Variants in SYT16 observed in about 807,000 individuals in gnomAD.
The protein encoded by SYT16 is synaptotagmin-16.
A neutral mutation model predicts 61.4 loss-of-function variants in SYT16; 42 were observed. The ratio of observed to expected loss-of-function variants is 0.68; its 90% CI spans 0.53 to 0.89. The LOEUF is 0.89. Ranked by LOEUF, SYT16 falls within the 40% of genes least tolerant of loss-of-function variation. The pLI is 0.00. For missense variants in SYT16, 804 were observed against 807.3 expected (o/e 1.00, Z 0.05); for synonymous variants, 314 against 302.3 (o/e 1.04, Z -0.40).
chr14:61,991,311 C>CT (rs1295479184), intron 2 of SYT16, among the ~76,000 whole-genome samples: 11 of 141,522 alleles, frequency 7.8e-5, no homozygotes, highest in Admixed American at 2.9e-4. Flanking sequence ...GGGAACTGGA[C>CT]TTTTTTTCTG....
At chr14:61,872,131 A>G (rs888207981) in intron 1 of SYT16, among the ~76,000 whole-genome samples, 1 of 152,182 alleles carries the variant, frequency 6.6e-6, no homozygotes, top group African/African-American at 2.4e-5. Flanking sequence ...AAACAATTAT[A>G]AACATTTGCT....
chr14:61,825,433 C>A (rs1479616586), intron 1 of SYT16, among the ~76,000 whole-genome samples: 9 of 152,174 alleles, frequency 5.9e-5, no homozygotes, highest in Non-Finnish European at 1.2e-4. Context: ...GTAATCCCAG[C>A]ACTTTGGGAG....
chr14:62,100,511 T>C lies in SYT16; in HGVS notation c.1742T>C (p.Val581Ala). The C allele has an allele frequency of 6.2e-7, 1 of 1,613,802 alleles. No individual in the cohort carries two copies. Among genetic ancestry groups the C allele is most frequent in the Non-Finnish European group, 8.5e-7 (1 of 1,179,828 alleles). ...PVYKETFVFQ[V>A]ALFQLSDVTL... ...TATAAGGAGACCTTTGTTTTCCAGG[T>C]GGCCCTCTTTCAGCTGTCTGATGTC... Residue 581 changes from valine to alanine, a missense_variant, in exon 8 of 8, where the codon GTG becomes GCG. Transcript: ENST00000683842.
At chr14:61,980,241 A>G (rs1249914364) in intron 2 of SYT16, among the ~76,000 whole-genome samples, 10 of 152,208 alleles carry the variant, frequency 6.6e-5, no homozygotes, top group Non-Finnish European at 1.2e-4. Context: ...TAGAATATAC[A>G]TTTCTCTCAC....
At chr14:61,929,853 A>G (rs530606734) in intron 1 of SYT16, among the ~76,000 whole-genome samples, 1 of 152,338 alleles carries the variant, frequency 6.6e-6, no homozygotes, top group Admixed American at 6.5e-5. Flanking sequence ...TAAAACTGAA[A>G]GAGTGGGCAA....
chr14:62,035,213 A>G (rs533176292), intron 3 of SYT16, among the ~76,000 whole-genome samples: 98 of 152,284 alleles, frequency 6.4e-4, no homozygotes, highest in Non-Finnish European at 1.1e-3. Flanking sequence ...TCCAATTTGG[A>G]TCATGACCAG....
chr14:61,827,258 G>T (rs932235891), intron 1 of SYT16, among the ~76,000 whole-genome samples: 3 of 152,088 alleles, frequency 2.0e-5, no homozygotes, highest in African/African-American at 7.2e-5. Context: ...ACCTTCTGAG[G>T]GAACAGGCAC....
At chr14:61,814,437 G>T (rs1001567438) in intron 1 of SYT16, among the ~76,000 whole-genome samples, 1 of 152,228 alleles carries the variant, frequency 6.6e-6, no homozygotes, top group Non-Finnish European at 1.5e-5. Flanking sequence ...TCACACACAT[G>T]CAGTGAGACA....
At chr14:62,058,337 A>G (rs1217684572) in intron 3 of SYT16, among the ~76,000 whole-genome samples, 1 of 129,468 alleles carries the variant, frequency 7.7e-6, no homozygotes, top group African/African-American at 3.2e-5. Context: ...TTATGTTTAA[A>G]TTCTTTTTTT....
intron 3 of SYT16, among the ~76,000 whole-genome samples, chr14:62,011,886 CACACACACACACACACACATATATAT>C (rs1337277976): frequency 7.9e-6 from 1 of 127,198 alleles, no homozygotes; most frequent in Non-Finnish European, 1.6e-5. Flanking sequence ...CACACACACA[CACACACACACACACACACATATATAT>C]ACACACACAC....
intron 5 of SYT16, among the ~76,000 whole-genome samples, chr14:62,076,313 TTAATA>T (rs1308883571): frequency 6.6e-6 from 1 of 152,168 alleles, no homozygotes; most frequent in African/African-American, 2.4e-5. Context: ...ATATAAACCT[TTAATA>T]TAATTTGCAG....
At chr14:61,949,250 C>T (rs2050569489) in intron 1 of SYT16, among the ~76,000 whole-genome samples, 1 of 152,154 alleles carries the variant, frequency 6.6e-6, no homozygotes, top group African/African-American at 2.4e-5. Flanking sequence ...ACAACCCTGT[C>T]CTCAGCACCT....
chr14:62,038,819 A>G (rs988972773), intron 3 of SYT16, among the ~76,000 whole-genome samples: 1 of 152,202 alleles, frequency 6.6e-6, no homozygotes, highest in Non-Finnish European at 1.5e-5. Context: ...TTGAATAATG[A>G]TTTAATAGCT....
intron 3 of SYT16, among the ~76,000 whole-genome samples, chr14:62,014,168 C>T (rs542356539): frequency 6.6e-6 from 1 of 152,206 alleles, no homozygotes; most frequent in East Asian, 1.9e-4. Context: ...CTAGTCTGGA[C>T]CTCTTTCGAA....
At chr14:61,989,709 C>CCTTG (rs779858836) in intron 2 of SYT16, among the ~76,000 whole-genome samples, 2 of 152,150 alleles carry the variant, frequency 1.3e-5, no homozygotes, top group African/African-American at 2.4e-5. Context: ...GTATGATTTG[C>CCTTG]CTTGTGCCAT....
chr14:62,064,317 A>G (rs1313951598), intron 3 of SYT16, among the ~76,000 whole-genome samples: 1 of 143,362 alleles, frequency 7.0e-6, no homozygotes, highest in Non-Finnish European at 1.5e-5. Context: ...AATAGACAAG[A>G]GCCAAACTTT....
chr14:61,973,895 C>T (rs1305427725), intron 2 of SYT16, among the ~76,000 whole-genome samples: 1 of 152,102 alleles, frequency 6.6e-6, no homozygotes, highest in Non-Finnish European at 1.5e-5. Flanking sequence ...GTTTCCTGGA[C>T]CAGACCCTGA....
chr14:62,078,690 C>T (rs1245760008), intron 5 of SYT16, among the ~76,000 whole-genome samples: 2 of 152,162 alleles, frequency 1.3e-5, no homozygotes, highest in Admixed American at 1.3e-4. Context: ...GATCACACTC[C>T]AAGAAGCTGT....
intron 1 of SYT16, among the ~76,000 whole-genome samples, chr14:61,813,814 T>G (rs1368835498): frequency 6.6e-6 from 1 of 151,944 alleles, no homozygotes; most frequent in Non-Finnish European, 1.5e-5. Context: ...ATTTTTTTTT[T>G]TTTTTTTTTG....
Sources: allele counts gnomAD v4.1 joint callset (sites outside exome capture counted in the v4.1 genomes callset), GRCh38; gene constraint gnomAD v4.1.1; transcripts MANE v1.5; gene names NCBI Gene and HGNC (gene_info 2026-07-23, HGNC 2026-07-21).